The following STAT1 variants were observed in gnomAD, a reference collection of about 807,000 sequenced individuals.
STAT1 encodes signal transducer and activator of transcription 1.
Under a neutral mutation model 111.7 loss-of-function variants are expected in STAT1, and 24 were observed. The ratio of observed to expected loss-of-function variants is 0.21; its 90% CI spans 0.16 to 0.30. The LOEUF is 0.30. Ranked by LOEUF, STAT1 falls within the 10% of genes least tolerant of loss-of-function variation. STAT1 has a pLI of 1.00. For missense variants in STAT1, 351 were observed against 911.9 expected, an observed-to-expected ratio of 0.38 and a Z score of 7.92; for synonymous variants, 332 against 326.5, an observed-to-expected ratio of 1.02 and a Z score of -0.18.
chr2:190,988,844 T>C (rs1226715637), intron 12 of STAT1, among the ~76,000 whole-genome samples: 2 of 147,590 alleles, frequency 1.4e-5, no homozygotes, highest in South Asian at 2.2e-4. Context: ...TGATCATAAA[T>C]CATTTTTGAA....
chr2:190,974,738 G>T lies in STAT1; in HGVS notation c.2238+92C>A. 1 of 1,173,204 alleles carries T rather than the reference G, an allele frequency of 8.5e-7. No homozygotes were observed. Among genetic ancestry groups the T allele is most frequent in the Non-Finnish European group, 1.3e-6 (1 of 785,548 alleles). 72.7% of individuals were successfully genotyped at this position (1,173,204 alleles called of 1,614,324 possible). ...CTTGGCTCCGCCAGGGCTCCCTCCC[G>T]CAGACAGGCCCGGGATCTGCCATGG... On this transcript the variant is annotated intron_variant, in intron 24 of 24. Transcript: ENST00000361099. This position sits in a 1 kb window ranked among gnomAD's most constrained non-coding sequence, Gnocchi z 4.8.
rs1004504808 is a variant in STAT1 at position 190,970,511 on chromosome 2, C to T, written c.*192G>A. The T allele has an allele frequency of 7.4e-6, 5 of 675,124 alleles. No individual in the cohort carries two copies. Among genetic ancestry groups the T allele is most frequent in the African/African-American group, 7.1e-5 (4 of 56,174 alleles). The allele number at this position is 675,124 out of a possible 1,614,324, so 41.8% of individuals were successfully genotyped here. A position where few individuals can be genotyped will look rare whatever the true frequency, so the allele number is the denominator to read the frequency against. ...TTTCAATTTTACCTTCAGTAAGATG[C>T]ATGATGCCCTTCAGAGTAACTGATG... On this transcript the variant is annotated 3_prime_UTR_variant, in exon 25 of 25. Coordinates refer to ENST00000361099, the MANE Select transcript of STAT1 (RefSeq NM_007315.4). This position sits in a 1 kb window ranked among gnomAD's most constrained non-coding sequence, Gnocchi z 5.4.
Position 190,981,789 on chromosome 2 carries a change from T to C in STAT1, c.1582+594A>G, listed in dbSNP as rs1026714594. On this transcript the variant is annotated intron_variant, in intron 18 of 24. Coordinates refer to ENST00000361099, the MANE Select transcript of STAT1 (RefSeq NM_007315.4). The surrounding 1 kb of genome is among the most constrained non-coding windows in gnomAD (Gnocchi z 4.1). ...CTGAAAGATCTGACCTTGAGACTAG[T>C]GGATCTTTGATTTGTTTAGTATGAA... Among the ~76,000 whole-genome samples, 13 of 152,254 alleles carry C rather than the reference T, an allele frequency of 8.5e-5. No individual in the cohort carries two copies. Among genetic ancestry groups the C allele is most frequent in the Non-Finnish European group, 1.9e-4 (13 of 68,040 alleles).
rs1015737840 is a variant in STAT1 at position 191,006,135 on chromosome 2, T to G, written c.372+1428A>C. 4.6e-5 allele frequency among the ~76,000 whole-genome samples: 7 copies of G among 152,212 alleles called. No homozygotes were observed. The highest frequency in any genetic ancestry group is 1.7e-4 in the African/African-American group (7 of 41,450). The stretch of plus-strand genomic sequence containing the variant: ...AGGTTGTCCTTCTGCCCATCTTTGC[T>G]CCTGGCTGTCCTTTCAAGTCTATTA... On this transcript the variant is annotated intron_variant, in intron 5 of 24. Transcript: ENST00000361099. The surrounding 1 kb of genome is among the most constrained non-coding windows in gnomAD (Gnocchi z 4.6).
rs1255713133 is a variant in STAT1 at position 191,012,817 on chromosome 2, C to G, written c.-2+708G>C. On this transcript the variant is annotated intron_variant, in intron 2 of 24. Coordinates refer to ENST00000361099, the MANE Select transcript of STAT1 (RefSeq NM_007315.4). This position sits in a 1 kb window ranked among gnomAD's most constrained non-coding sequence, Gnocchi z 4.0. ...AGCTACTCGCCCTTGGAAACAGCCT[C>G]TCCACAAATTTTTGCGTCTCTAAAT... Among the ~76,000 whole-genome samples the G allele has an allele frequency of 6.6e-6, 1 of 152,244 alleles. No homozygotes were observed. The highest frequency in any genetic ancestry group is 1.5e-5 in the Non-Finnish European group (1 of 68,044).
rs1559008082 is a variant in STAT1 at position 190,980,784 on chromosome 2, T to C, written c.1583-115A>G. On this transcript the variant is annotated intron_variant, in intron 18 of 24. Transcript: ENST00000361099. This position sits in a 1 kb window ranked among gnomAD's most constrained non-coding sequence, Gnocchi z 6.1. ...AAAAGAGCCAAACACCCAACAAAGATTGTATGTACACAGTTGACATTTTCG... is the reference window on the plus strand; with the variant it reads ...AAAAGAGCCAAACACCCAACAAAGACTGTATGTACACAGTTGACATTTTCG... 4 of 996,714 alleles carry C rather than the reference T, an allele frequency of 4.0e-6. No homozygotes were observed. Among genetic ancestry groups the C allele is most frequent in the Admixed American group, 1.9e-5 (1 of 51,998 alleles). 61.7% of individuals were successfully genotyped at this position (996,714 alleles called of 1,614,324 possible).
At position 190,974,896 on chromosome 2, in the gene STAT1, G is replaced by A. The variant is rs140108956; in HGVS notation, c.2172C>T (p.Leu724=). 1.9e-6 allele frequency: 3 copies of A among 1,614,122 alleles called. No individual in the cohort carries two copies. The highest frequency in any genetic ancestry group is 2.7e-5 in the African/African-American group (2 of 74,948). Residue 724 remains leucine, a synonymous_variant, in exon 24 of 25, where the codon CTC becomes CTT. Coordinates refer to ENST00000361099, the MANE Select transcript of STAT1 (RefSeq NM_007315.4). This position sits in a 1 kb window ranked among gnomAD's most constrained non-coding sequence, Gnocchi z 4.8. ...PSRLQTTDNL[L]PMSPEEFDEV... ...CGTCAAACTCCTCAGGAGACATGGG[G>A]AGCAGGTTGTCTGTGGTCTGAAGTC... is the stretch of plus-strand genomic sequence containing the variant.
Position 191,003,773 on chromosome 2 carries a change from GCAAGAACAGACTAATA to G in STAT1, c.373-2626_373-2611del, listed in dbSNP as rs1234092263. 6.6e-6 allele frequency among the ~76,000 whole-genome samples: 1 copy of G among 152,170 alleles called. No individual in the cohort carries two copies. The highest frequency in any genetic ancestry group is 2.4e-5 in the African/African-American group (1 of 41,424). ...GTCTCAGGTATTTCTTTATAGCCAT[GCAAGAACAGACTAATA>G]CAACTTCTAAGCCAGCAGGATGTGG... On this transcript the variant is annotated intron_variant, in intron 5 of 24. Coordinates refer to ENST00000361099, the MANE Select transcript of STAT1 (RefSeq NM_007315.4). This position sits in a 1 kb window ranked among gnomAD's most constrained non-coding sequence, Gnocchi z 4.0.
At chr2:191,002,606 C>T (rs10173099) in intron 5 of STAT1, among the ~76,000 whole-genome samples, 56,164 of 152,012 alleles carry the variant, frequency 0.37, 10,997 homozygotes, top group East Asian at 0.64. Flanking sequence ...GGAGAGCTAA[C>T]ATCTTTATGA....
At position 191,009,894 on chromosome 2, in the gene STAT1, C is replaced by A; in HGVS notation, c.110G>T (p.Trp37Leu). 6.2e-7 allele frequency: 1 copy of A among 1,613,898 alleles called. No homozygotes were observed. The highest frequency in any genetic ancestry group is 1.1e-5 in the South Asian group (1 of 91,070). The change falls in exon 3 of 25, where the codon TGG becomes TTG. Residue 37 changes from tryptophan (W) to leucine (L), a missense_variant. Around this residue, in one of 7 missense-constraint regions of STAT1, gnomAD observed 44 missense variants for 144.2 expected, o/e 0.31. Coordinates refer to ENST00000361099, the MANE Select transcript of STAT1 (RefSeq NM_007315.4). ...PMEIRQYLAQ[W>L]LEKQDWEHAA... ...TCCTTACCAGTCTTGCTTTTCTAAC[C>A]ACTGTGCCAGGTACTGTCTGATTTC...
rs1695225226 is a variant in STAT1, at chr2:191,012,598, C to G, written c.-2+927G>C. On this transcript the variant is annotated intron_variant, in intron 2 of 24. Coordinates refer to ENST00000361099, the MANE Select transcript of STAT1 (RefSeq NM_007315.4). The surrounding 1 kb of genome is among the most constrained non-coding windows in gnomAD (Gnocchi z 4.0). ...CCCAAGACCTGCTCCTTCCTGTCTC[C>G]AACATTCTACCTTCCCAGTCCAGCC... Among the ~76,000 whole-genome samples the G allele has an allele frequency of 6.6e-6, 1 of 152,108 alleles. No homozygotes were observed. Among genetic ancestry groups the G allele is most frequent in the Non-Finnish European group, 1.5e-5 (1 of 68,020 alleles).
chr2:191,011,734 CT>C (rs1384113099), intron 2 of STAT1, among the ~76,000 whole-genome samples: 2 of 152,208 alleles, frequency 1.3e-5, no homozygotes, highest in Admixed American at 1.3e-4. Context: ...TTATAAGCCA[CT>C]GGCATTTCCC....
chr2:190,974,801 G>C lies in STAT1; in HGVS notation c.2238+29C>G. On this transcript the variant is annotated intron_variant, in intron 24 of 24. Coordinates refer to ENST00000361099, the MANE Select transcript of STAT1 (RefSeq NM_007315.4). The surrounding 1 kb of genome is among the most constrained non-coding windows in gnomAD (Gnocchi z 4.8). ...CTCTGAGCACACACACTTATTGAGA[G>C]CTACACACAGGCCAGCCGTGGTACT... The C allele has an allele frequency of 1.3e-6, 2 of 1,577,750 alleles. No homozygotes were observed. Among genetic ancestry groups the C allele is most frequent in the South Asian group, 2.2e-5 (2 of 90,342 alleles).
rs1224482773 is a variant in STAT1 at position 190,970,869 on chromosome 2, A to G, written c.2239-152T>C. ...ACCGTGGAATAAGAGGGCCTTCAGCATGTACTATGTATTATCCTGGGCTAA... is the reference window on the plus strand; with the variant it reads ...ACCGTGGAATAAGAGGGCCTTCAGCGTGTACTATGTATTATCCTGGGCTAA... On this transcript the variant is annotated intron_variant, in intron 24 of 24. Coordinates refer to ENST00000361099, the MANE Select transcript of STAT1 (RefSeq NM_007315.4). This position sits in a 1 kb window ranked among gnomAD's most constrained non-coding sequence, Gnocchi z 5.4. The G allele has an allele frequency of 4.1e-6, 3 of 730,938 alleles. No homozygotes were observed. The highest frequency in any genetic ancestry group is 7.2e-6 in the Non-Finnish European group (3 of 419,280). The allele number at this position is 730,938 out of a possible 1,614,324, so 45.3% of individuals were successfully genotyped here. A position where few individuals can be genotyped will look rare whatever the true frequency, so the allele number is the denominator to read the frequency against.
At position 190,990,719 on chromosome 2, in the gene STAT1, A is replaced by C. The variant is rs1437863120; in HGVS notation, c.1037+509T>G. Among the ~76,000 whole-genome samples, 1 of 152,212 alleles carries C rather than the reference A, an allele frequency of 6.6e-6. No individual in the cohort carries two copies. The highest frequency in any genetic ancestry group is 6.5e-5 in the Admixed American group (1 of 15,272). On this transcript the variant is annotated intron_variant, in intron 11 of 24. Transcript: ENST00000361099. This position sits in a 1 kb window ranked among gnomAD's most constrained non-coding sequence, Gnocchi z 5.1. The stretch of plus-strand genomic sequence containing the variant: ...GTATGAAATATATATTTGTGTAGAC[A>C]TGGACAAAATCCTGGGAGGACAGAC...
At chr2:190,988,792 A>AG (rs1415200606) in intron 12 of STAT1, among the ~76,000 whole-genome samples, 1 of 152,120 alleles carries the variant, frequency 6.6e-6, no homozygotes, top group Non-Finnish European at 1.5e-5. Context: ...ATATTCTTAT[A>AG]GGAGTGGGAA....
chr2:191,009,219 T>C (rs1694942893), intron 3 of STAT1, 112 bp from the exon 4 acceptor site: 1 of 1,316,128 alleles, frequency 7.6e-7, no homozygotes, highest in Admixed American at 2.2e-5. Flanking sequence ...TTAAGTATTT[T>C]CTTAGGTTTA....
At position 190,975,947 on chromosome 2, in the gene STAT1, T is replaced by C; in HGVS notation, c.2060-60A>G. On this transcript the variant is annotated intron_variant, in intron 22 of 24. Transcript: ENST00000361099. This position sits in a 1 kb window ranked among gnomAD's most constrained non-coding sequence, Gnocchi z 5.9. ...ACCGAAATTCCATCAGAATACAACATCAACTTTTCGGGGGGATTAAAGTTC... is the reference window on the plus strand; with the variant it reads ...ACCGAAATTCCATCAGAATACAACACCAACTTTTCGGGGGGATTAAAGTTC... The C allele has an allele frequency of 6.9e-7, 1 of 1,444,276 alleles. No homozygotes were observed. Among genetic ancestry groups the C allele is most frequent in the Non-Finnish European group, 9.7e-7 (1 of 1,028,192 alleles). 89.5% of individuals were successfully genotyped at this position (1,444,276 alleles called of 1,614,324 possible).
At chr2:190,985,727 A>G in intron 14 of STAT1, 67 bp from the exon 15 acceptor site, 1 of 1,506,842 alleles carries the variant, frequency 6.6e-7, no homozygotes, top group Non-Finnish European at 9.2e-7. Flanking sequence ...TTCATTTACA[A>G]ATGAGAACAA....
Sources: allele counts gnomAD v4.1 joint callset (sites outside exome capture counted in the v4.1 genomes callset), GRCh38; gene constraint gnomAD v4.1.1; regional missense constraint gnomAD v4.1.1; non-coding constraint Gnocchi (gnomAD v3.1); transcripts MANE v1.5; gene names NCBI Gene and HGNC (gene_info 2026-07-23, HGNC 2026-07-21).